Variants in PTPN14 observed in about 807,000 individuals in gnomAD.
PTPN14 encodes tyrosine-protein phosphatase non-receptor type 14.
In PTPN14, 53 loss-of-function variants were observed where a neutral mutation model predicts 126.8. The observed-to-expected ratio is 0.42, with a 90% confidence interval of 0.34 to 0.53. The LOEUF (loss-of-function observed/expected upper bound fraction) is 0.53. Ranked by LOEUF, PTPN14 falls within the 20% of genes least tolerant of loss-of-function variation. PTPN14 has a pLI of 0.08. For missense variants in PTPN14, 1,257 were observed against 1,552.9 expected, an observed-to-expected ratio of 0.81 and a Z score of 3.20; for synonymous variants, 630 against 599.3, an observed-to-expected ratio of 1.05 and a Z score of -0.75.
intron 1 of PTPN14, among the ~76,000 whole-genome samples, chr1:214,500,951 G>T (rs1326741851): frequency 6.6e-6 from 1 of 152,128 alleles, no homozygotes; most frequent in Non-Finnish European, 1.5e-5. Flanking sequence ...ATTCATTACT[G>T]CTAGAAACTA....
intron 5 of PTPN14, among the ~76,000 whole-genome samples, chr1:214,405,322 T>C (rs1571978945): frequency 6.6e-6 from 1 of 152,172 alleles, no homozygotes; most frequent in Admixed American, 6.5e-5. Context: ...GTTATGTGTA[T>C]ACTCGTCTTA....
In PTPN14 at chr1:214,383,968, C is replaced by T. The variant is rs552872709; in HGVS notation, c.1887G>A (p.Thr629=). ...TCACAGTGCCGTGGTGCTTGGTGGC[C>T]GTGAGGGGCTCGCTCACCTCCTGGA... is the stretch of plus-strand genomic sequence containing the variant. ...QSLQEVSEPL[T]ATKHHGTVNK... Residue 629 remains threonine, a synonymous_variant, in exon 13 of 19, where the codon ACG becomes ACA. Coordinates refer to ENST00000366956, the MANE Select transcript of PTPN14 (RefSeq NM_005401.5). This position sits in a 1 kb window ranked among gnomAD's most constrained non-coding sequence, Gnocchi z 4.4. 45 of 1,612,110 alleles carry T rather than the reference C, an allele frequency of 2.8e-5. No homozygotes were observed. The highest frequency in any genetic ancestry group is 2.0e-4 in the East Asian group (9 of 44,872).
chr1:214,523,166 G>A (rs1655301123), intron 1 of PTPN14, among the ~76,000 whole-genome samples: 1 of 151,574 alleles, frequency 6.6e-6, no homozygotes, highest in Admixed American at 6.6e-5. Context: ...CTTTATAGAG[G>A]CAGTGCCCTT....
chr1:214,407,766 T>C (rs190486013), intron 5 of PTPN14, among the ~76,000 whole-genome samples: 1 of 152,318 alleles, frequency 6.6e-6, no homozygotes, highest in Non-Finnish European at 1.5e-5. Flanking sequence ...TTCTTGTTTT[T>C]CTTTCACTAA....
At chr1:214,496,759 A>G (rs1200173837) in intron 1 of PTPN14, among the ~76,000 whole-genome samples, 1 of 151,436 alleles carries the variant, frequency 6.6e-6, no homozygotes, top group Non-Finnish European at 1.5e-5. Flanking sequence ...TCTATGATTC[A>G]GTTTTAACTT....
chr1:214,531,499 A>ACAC (rs1655545929), intron 1 of PTPN14: 2 of 129,554 alleles, frequency 1.5e-5, no homozygotes, highest in African/African-American at 6.0e-5. Context: ...AACCCAGCCT[A>ACAC]ACACACACAC....
intron 5 of PTPN14, among the ~76,000 whole-genome samples, chr1:214,405,877 G>A (rs532259773): frequency 2.7e-4 from 41 of 152,140 alleles, no homozygotes; most frequent in Admixed American, 4.6e-4. Flanking sequence ...GGTTGGAAAG[G>A]TTAAAAAACT....
intron 6 of PTPN14, among the ~76,000 whole-genome samples, chr1:214,402,656 A>AG (rs1366246838): frequency 1.3e-3 from 29 of 22,774 alleles, no homozygotes; most frequent in South Asian, 7.1e-3. Flanking sequence ...GAAGGAAGGA[A>AG]GGAAGGAAGG....
intron 3 of PTPN14, among the ~76,000 whole-genome samples, chr1:214,434,508 A>G (rs1399171359): frequency 6.6e-6 from 1 of 152,054 alleles, no homozygotes; most frequent in Admixed American, 6.6e-5. Flanking sequence ...CAGAAAGTGA[A>G]TCAAAAGAAA....
At chr1:214,433,572 T>C (rs763985838) in intron 3 of PTPN14, among the ~76,000 whole-genome samples, 1 of 151,820 alleles carries the variant, frequency 6.6e-6, no homozygotes, top group Admixed American at 6.6e-5. Flanking sequence ...GATTGACAAA[T>C]AGTCGTCATC....
chr1:214,476,497 C>T (rs1660871193), intron 1 of PTPN14, among the ~76,000 whole-genome samples: 1 of 152,178 alleles, frequency 6.6e-6, no homozygotes, highest in African/African-American at 2.4e-5. Flanking sequence ...CCCCCGTTTC[C>T]TTCCTCCCAT....
Position 214,384,906 on chromosome 1 carries a change from T to C in PTPN14, c.1067-118A>G, listed in dbSNP as rs752008945. The stretch of plus-strand genomic sequence containing the variant: ...ACAAATCATAAAAAGTGAAATCCCA[T>C]GGTCTCCACCCACATGTTCTATAGA... On this transcript the variant is annotated intron_variant, in intron 12 of 18. Coordinates refer to ENST00000366956, the MANE Select transcript of PTPN14 (RefSeq NM_005401.5). The surrounding 1 kb of genome is among the most constrained non-coding windows in gnomAD (Gnocchi z 5.3). The C allele has an allele frequency of 8.8e-5, 105 of 1,197,852 alleles. No homozygotes were observed. Among genetic ancestry groups the C allele is most frequent in the East Asian group, 4.5e-4 (19 of 42,050 alleles). The allele number at this position is 1,197,852 out of a possible 1,614,324, so 74.2% of individuals were successfully genotyped here.
chr1:214,539,748 C>T (rs1204544777), intron 1 of PTPN14, among the ~76,000 whole-genome samples: 1 of 152,108 alleles, frequency 6.6e-6, no homozygotes, highest in Non-Finnish European at 1.5e-5. Flanking sequence ...GTTTGAATAA[C>T]TACTAAATAT....
rs1224827233 is a variant in PTPN14 at position 214,546,605 on chromosome 1, A to C, written c.-155+4578T>G. Among the ~76,000 whole-genome samples the C allele has an allele frequency of 1.1e-4, 16 of 152,272 alleles. 1 individual carries two copies. The highest frequency in any genetic ancestry group is 2.1e-4 in the South Asian group (1 of 4,828). ...CAAACAATCTAAACGTGAAGAGGATATTTTTCTACTTAGAGACGATGCTAC... is the reference window on the plus strand; with the variant it reads ...CAAACAATCTAAACGTGAAGAGGATCTTTTTCTACTTAGAGACGATGCTAC... On this transcript the variant is annotated intron_variant, in intron 1 of 18. Transcript: ENST00000366956.
chr1:214,499,918 G>A (rs78050006), intron 1 of PTPN14, among the ~76,000 whole-genome samples: 378 of 151,828 alleles, frequency 2.5e-3, no homozygotes, highest in African/African-American at 8.8e-3. Flanking sequence ...TCTTACCCTC[G>A]TGACACTTCT....
chr1:214,439,033 CCTT>C (rs1353672412), intron 3 of PTPN14, among the ~76,000 whole-genome samples: 1 of 152,132 alleles, frequency 6.6e-6, no homozygotes, highest in African/African-American at 2.4e-5. Context: ...AGTCTGTTCT[CCTT>C]CTTTTTCCTT....
At chr1:214,366,352 A>G (rs1658081129) in intron 17 of PTPN14, among the ~76,000 whole-genome samples, 1 of 152,230 alleles carries the variant, frequency 6.6e-6, no homozygotes, top group African/African-American at 2.4e-5. Context: ...CAATATTTAC[A>G]TACAAGAGAC....
At position 214,449,011 on chromosome 1, in the gene PTPN14, C is replaced by CTTTTTTTTTTTTTTTTTTT. The variant is rs71165970; in HGVS notation, c.344+2793_344+2794insAAAAAAAAAAAAAAAAAAA. On this transcript the variant is annotated intron_variant, in intron 3 of 18. Transcript: ENST00000366956. ...TGTGCCCTTGTAAGACTTAATTTTT[C>CTTTTTTTTTTTTTTTTTTT]TTTTTTTTTTTTTGAGACGGAGTCT... is the stretch of plus-strand genomic sequence containing the variant. 2.7e-4 allele frequency among the ~76,000 whole-genome samples: 30 copies of CTTTTTTTTTTTTTTTTTTT among 112,460 alleles called. 3 individuals carry two copies. The highest frequency in any genetic ancestry group is 4.0e-4 in the Non-Finnish European group (23 of 56,924). The allele number at this position is 112,460 out of a possible 152,430, so 73.8% of individuals were successfully genotyped here. A position where few individuals can be genotyped will look rare whatever the true frequency, so the allele number is the denominator to read the frequency against.
chr1:214,358,792 G>C (rs576544498), intron 18 of PTPN14, among the ~76,000 whole-genome samples: 2 of 151,328 alleles, frequency 1.3e-5, no homozygotes, highest in South Asian at 4.2e-4. Flanking sequence ...GCCCAGGCTG[G>C]AGTGTAGTGG....
Sources: allele counts gnomAD v4.1 joint callset (sites outside exome capture counted in the v4.1 genomes callset), GRCh38; gene constraint gnomAD v4.1.1; non-coding constraint Gnocchi (gnomAD v3.1); transcripts MANE v1.5; gene names NCBI Gene and HGNC (gene_info 2026-07-23, HGNC 2026-07-21).